The following TMEM117 variants were observed in gnomAD, a reference collection of about 807,000 sequenced individuals.
TMEM117 encodes the protein transmembrane protein 117.
A neutral mutation model predicts 52.4 loss-of-function variants in TMEM117; 27 were observed. The ratio of observed to expected loss-of-function variants is 0.51; its 90% CI spans 0.38 to 0.71. TMEM117 has a LOEUF of 0.71. Ranked by LOEUF, TMEM117 falls within the 30% of genes least tolerant of loss-of-function variation. TMEM117 has a pLI of 0.00. For synonymous variants in TMEM117, 215 were observed against 206.3 expected, an observed-to-expected ratio of 1.04 and a Z score of -0.36; for missense variants, 556 against 630.5, an observed-to-expected ratio of 0.88 and a Z score of 1.26.
At chr12:44,192,941 G>A (rs1244346078) in intron 4 of TMEM117, among the ~76,000 whole-genome samples, 1 of 152,132 alleles carries the variant, frequency 6.6e-6, no homozygotes, top group Non-Finnish European at 1.5e-5. Flanking sequence ...GTGAAAACTT[G>A]GTTAGCCTTT....
At position 44,347,666 on chromosome 12, in the gene TMEM117, C is replaced by T. The variant is rs17094492; in HGVS notation, c.769-28929C>T. 6.6e-3 allele frequency among the ~76,000 whole-genome samples: 1,004 copies of T among 152,062 alleles called. 14 individuals carry two copies. Among genetic ancestry groups the T allele is most frequent in the African/African-American group, 0.022 (926 of 41,528 alleles). On this transcript the variant is annotated intron_variant, in intron 6 of 7. Coordinates refer to ENST00000266534, the MANE Select transcript of TMEM117 (RefSeq NM_032256.3). ...CAGCTGTCCCTTCTCTCTTGGGAAGCTTTGTGTTCTGCTTACTAACAGAGG... is the reference window on the plus strand; with the variant it reads ...CAGCTGTCCCTTCTCTCTTGGGAAGTTTTGTGTTCTGCTTACTAACAGAGG...
chr12:44,212,535 C>T (rs751117313), intron 5 of TMEM117, among the ~76,000 whole-genome samples: 1 of 151,998 alleles, frequency 6.6e-6, no homozygotes, highest in African/African-American at 2.4e-5. Context: ...GTTAACATAT[C>T]GTATGCTGAG....
At chr12:44,303,305 T>C (rs1950865173) in intron 6 of TMEM117, among the ~76,000 whole-genome samples, 1 of 152,140 alleles carries the variant, frequency 6.6e-6, no homozygotes, top group African/African-American at 2.4e-5. Context: ...CACCTCGGCC[T>C]CCCAAAGTGC....
chr12:44,072,115 A>G (rs1197040004), intron 3 of TMEM117, among the ~76,000 whole-genome samples: 1 of 152,160 alleles, frequency 6.6e-6, no homozygotes, highest in African/African-American at 2.4e-5. Flanking sequence ...GTTATCTCCA[A>G]TGGAGACTTT....
At chr12:44,244,223 T>C (rs1185664046) in intron 5 of TMEM117, among the ~76,000 whole-genome samples, 5 of 152,012 alleles carry the variant, frequency 3.3e-5, no homozygotes, top group Non-Finnish European at 7.4e-5. Flanking sequence ...ATGGCTGCAC[T>C]AATTTGCATT....
the TMEM117 span, chr12:43,805,775 TTTTGTAATCAAAGTCCTG>T: frequency 7.4e-7 from 1 of 1,351,070 alleles, no homozygotes; most frequent in Non-Finnish European, 9.8e-7. Flanking sequence ...GCATGGTTCT[TTTTGTAATCAAAGTCCTG>T]TAATATTCTC....
intron 5 of TMEM117, among the ~76,000 whole-genome samples, chr12:44,265,893 T>C (rs1950372209): frequency 6.6e-6 from 1 of 152,206 alleles, no homozygotes; most frequent in Non-Finnish European, 1.5e-5. Context: ...CATAATGCTT[T>C]CAAGGTTTGT....
chr12:43,897,944 C>G (rs1381475956), intron 2 of TMEM117, among the ~76,000 whole-genome samples: 1 of 151,998 alleles, frequency 6.6e-6, no homozygotes, highest in Non-Finnish European at 1.5e-5. Context: ...CATGCTTTTT[C>G]TCTCATGACC....
At chr12:43,850,303 A>G (rs143344732) in intron 2 of TMEM117, among the ~76,000 whole-genome samples, 10 of 152,324 alleles carry the variant, frequency 6.6e-5, no homozygotes, top group African/African-American at 9.6e-5. Context: ...AACATGATGG[A>G]TTAGCATTTA....
upstream of TMEM117, among the ~76,000 whole-genome samples, chr12:43,834,418 C>T (rs1290625942): frequency 6.6e-6 from 1 of 152,186 alleles, no homozygotes; most frequent in Non-Finnish European, 1.5e-5. Flanking sequence ...AAGATTTAAT[C>T]TCTGCCCTTG....
rs551002127 is a variant in TMEM117, at chr12:44,306,750, T to A, written c.768+7011T>A. 3.9e-5 allele frequency among the ~76,000 whole-genome samples: 6 copies of A among 152,308 alleles called. No homozygotes were observed. The South Asian group carries it at 1.0e-3, about 26-fold the overall frequency. ...GTAACATTATTTCACATGCACCAAATAATGTGATTTTTCAAGAGGTGAAAT... is the reference window on the plus strand; with the variant it reads ...GTAACATTATTTCACATGCACCAAAAAATGTGATTTTTCAAGAGGTGAAAT... On this transcript the variant is annotated intron_variant, in intron 6 of 7. Coordinates refer to ENST00000266534, the MANE Select transcript of TMEM117 (RefSeq NM_032256.3).
the TMEM117 span, among the ~76,000 whole-genome samples, chr12:43,819,939 A>G: frequency 0.013 from 2,014 of 152,276 alleles, 39 homozygotes; most frequent in African/African-American, 0.045. Context: ...TCTCTTCTAT[A>G]TGGAAAGATC....
chr12:44,364,377 C>T (rs1193839735), intron 6 of TMEM117, among the ~76,000 whole-genome samples: 1 of 151,872 alleles, frequency 6.6e-6, no homozygotes, highest in Non-Finnish European at 1.5e-5. Context: ...ACTTTGTTTC[C>T]ACATATGCCT....
chr12:44,376,581 A>AT lies in TMEM117; in HGVS notation c.769-10dup. The AT allele has an allele frequency of 6.3e-7, 1 of 1,586,372 alleles. No homozygotes were observed. The highest frequency in any genetic ancestry group is 8.6e-7 in the Non-Finnish European group (1 of 1,169,458). On this transcript the variant is annotated splice_polypyrimidine_tract_variant and intron_variant, in intron 6 of 7. Coordinates refer to ENST00000266534, the MANE Select transcript of TMEM117 (RefSeq NM_032256.3). ...AACGAATCACAAATGTTTTTATTTGATTTTCTCTGACAGGACTGGGAATTC... is the reference window on the plus strand; with the variant it reads ...AACGAATCACAAATGTTTTTATTTGATTTTTCTCTGACAGGACTGGGAATTC...
At chr12:44,269,300 A>G (rs1950418599) in intron 5 of TMEM117, among the ~76,000 whole-genome samples, 1 of 152,132 alleles carries the variant, frequency 6.6e-6, no homozygotes, top group East Asian at 1.9e-4. Flanking sequence ...ACACTCCTTA[A>G]TGACTACACA....
At chr12:44,256,091 G>A (rs1950257195) in intron 5 of TMEM117, among the ~76,000 whole-genome samples, 1 of 151,738 alleles carries the variant, frequency 6.6e-6, no homozygotes, top group African/African-American at 2.4e-5. Flanking sequence ...TTTGTGGTCA[G>A]CATTTTTGTA....
chr12:44,250,425 T>C (rs1950182949), intron 5 of TMEM117, among the ~76,000 whole-genome samples: 1 of 152,184 alleles, frequency 6.6e-6, no homozygotes, highest in African/African-American at 2.4e-5. Flanking sequence ...TGGAATACAA[T>C]GTGGCAATTC....
intron 5 of TMEM117, among the ~76,000 whole-genome samples, chr12:44,285,624 C>T (rs1242473238): frequency 6.6e-6 from 1 of 152,202 alleles, no homozygotes; most frequent in African/African-American, 2.4e-5. Flanking sequence ...TAAAGAGCAA[C>T]GTTGACCTCA....
At chr12:44,334,889 A>G (rs1285319242) in intron 6 of TMEM117, among the ~76,000 whole-genome samples, 1 of 152,064 alleles carries the variant, frequency 6.6e-6, no homozygotes, top group Non-Finnish European at 1.5e-5. Flanking sequence ...AGTATATAGA[A>G]TGGCCTTTCA....
Sources: allele counts gnomAD v4.1 joint callset (sites outside exome capture counted in the v4.1 genomes callset), GRCh38; gene constraint gnomAD v4.1.1; transcripts MANE v1.5; gene names NCBI Gene and HGNC (gene_info 2026-07-23, HGNC 2026-07-21).